Variants in SCN3A observed in about 807,000 individuals in gnomAD.
SCN3A encodes the protein sodium channel protein type 3 subunit alpha.
In SCN3A, 60 loss-of-function variants were observed where a neutral mutation model predicts 187.6. The observed-to-expected ratio is 0.32, with a 90% confidence interval of 0.26 to 0.40. The LOEUF (loss-of-function observed/expected upper bound fraction) is 0.40, where lower values mean the gene tolerates loss of function less well. Among genes scored for constraint, SCN3A ranks in the 10% least tolerant of loss-of-function variants. The probability of loss-of-function intolerance (pLI) is 1.00; values close to 1 mark genes in which losing one functional copy is unlikely to be tolerated. For missense variants in SCN3A, 1,601 were observed against 2,428.2 expected (o/e 0.66, Z 7.16); for synonymous variants, 788 against 829.2 (o/e 0.95, Z 0.85).
rs145492863 is a variant in SCN3A at position 165,095,607 on chromosome 2, A to G, written c.4335T>C (p.Tyr1445=). 70 of 1,530,542 alleles carry G rather than the reference A, an allele frequency of 4.6e-5. No homozygotes were observed. In the African/African-American group the frequency reaches 7.8e-4, roughly 17 times the overall value. The allele number at this position is 1,530,542 out of a possible 1,614,324, so 94.8% of individuals were successfully genotyped here. A position where few individuals can be genotyped will look rare whatever the true frequency, so the allele number is the denominator to read the frequency against. ...AGATGATAAAGATGACAAAGTATAA[A>G]TACATGTACAGATTTTCTTCATATA... ...QPVYEENLYM[Y]LYFVIFIIFG... Residue 1445 remains tyrosine (Y), a synonymous_variant, in exon 25 of 28, where the codon TAT becomes TAC. Coordinates refer to ENST00000283254, the MANE Select transcript of SCN3A (RefSeq NM_006922.4).
chr2:165,154,468 TGCTTTTTAA>T lies in SCN3A; in HGVS notation c.1355_1363del (p.Leu452_Lys454del). 6.2e-7 allele frequency: 1 copy of T among 1,614,168 alleles called. No homozygotes were observed. The highest frequency in any genetic ancestry group is 8.5e-7 in the Non-Finnish European group (1 of 1,180,000). On this transcript the variant is annotated inframe_deletion, in exon 11 of 28. Transcript: ENST00000283254. ...ACTCAGTACCTGAGCTTCTTCCTGT[TGCTTTTTAA>T]GCTGTTCGAGCATCTGCTGAAATTC...
rs1305685990 is a variant in SCN3A, at chr2:165,154,476, A to G, written c.1356T>C (p.Leu452=). ...EAEFQQMLEQ[L]KKQQEEAQAV... ...CCTGAGCTTCTTCCTGTTGCTTTTT[A>G]AGCTGTTCGAGCATCTGCTGAAATT... The change falls in exon 11 of 28, where the codon CTT becomes CTC. Residue 452 remains leucine (L), a synonymous_variant. Transcript: ENST00000283254. 10 of 1,614,044 alleles carry G rather than the reference A, an allele frequency of 6.2e-6. No homozygotes were observed. The highest frequency in any genetic ancestry group is 7.6e-6 in the Non-Finnish European group (9 of 1,180,004).
chr2:165,180,573 G>C (rs1229142436), intron 2 of SCN3A, among the ~76,000 whole-genome samples: 1 of 152,044 alleles, frequency 6.6e-6, no homozygotes, highest in Non-Finnish European at 1.5e-5. Context: ...ACATTGAGCA[G>C]GTGGGGTGGG....
intron 18 of SCN3A, among the ~76,000 whole-genome samples, chr2:165,126,455 CTTTT>C (rs1686994252): frequency 6.8e-6 from 1 of 147,272 alleles, no homozygotes; most frequent in African/African-American, 2.5e-5. Flanking sequence ...TTCTCTTTTT[CTTTT>C]CTTTCTCTTT....
intron 2 of SCN3A, among the ~76,000 whole-genome samples, chr2:165,183,367 G>C (rs970730739): frequency 6.6e-6 from 1 of 152,074 alleles, no homozygotes; most frequent in Non-Finnish European, 1.5e-5. Context: ...TATATGATTT[G>C]CTCTAAAAGA....
At chr2:165,139,778 A>T (rs1010448802) in intron 13 of SCN3A, 170 bp from the exon 14 acceptor site, 142 of 731,980 alleles carry the variant, frequency 1.9e-4, no homozygotes, top group Middle Eastern at 3.5e-4. Flanking sequence ...TTTAAAAAAA[A>T]GTTATCACAG....
At position 165,146,818 on chromosome 2, in the gene SCN3A, C is replaced by T; in HGVS notation, c.1592G>A (p.Ser531Asn). The change falls in exon 12 of 28, where the codon AGC (serine) becomes AAC (asparagine). Residue 531 changes from serine (S) to asparagine (N), a missense_variant. Around this residue, in one of 11 missense-constraint regions of SCN3A, gnomAD observed 376 missense variants for 476.0 expected, o/e 0.79. Coordinates refer to ENST00000283254, the MANE Select transcript of SCN3A (RefSeq NM_006922.4). Reference protein sequence around the residue: ...DSFPKSESEDSVKRSSFLFSM... With the variant: ...DSFPKSESEDNVKRSSFLFSM... ...GAAAAGGAAGCTGCTTCTTTTGACG[C>T]TGTCTTCAGATTCGGATTTGGGAAA... 2 of 1,614,094 alleles carry T rather than the reference C, an allele frequency of 1.2e-6. No individual in the cohort carries two copies. Among genetic ancestry groups the T allele is most frequent in the Non-Finnish European group, 1.7e-6 (2 of 1,179,968 alleles).
intron 19 of SCN3A, 72 bp downstream of exon 19, chr2:165,115,383 T>G: frequency 6.2e-7 from 1 of 1,601,512 alleles, no homozygotes; most frequent in South Asian, 1.1e-5. Flanking sequence ...ATTTTTTTTT[T>G]TAAATGAGGC....
chr2:165,139,589 TC>T lies in SCN3A; in HGVS notation c.2038del (p.Glu680LysfsTer7). On this transcript the variant is annotated frameshift_variant, in exon 14 of 28. Coordinates refer to ENST00000283254, the MANE Select transcript of SCN3A (RefSeq NM_006922.4). LOFTEE classifies it high-confidence loss of function. ...LPPEGTTTET[E>X]VRKRRLSSYQ... ...AGAGCTTAACCTTCTCTTTCTGACT[TC>T]CGTTTCTGTGGTGGTGCCCTGCAAA... 1 of 1,613,888 alleles carries T rather than the reference TC, an allele frequency of 6.2e-7. No individual in the cohort carries two copies. Among genetic ancestry groups the T allele is most frequent in the Non-Finnish European group, 8.5e-7 (1 of 1,179,872 alleles).
chr2:165,111,916 G>A (rs1475660830), intron 21 of SCN3A, among the ~76,000 whole-genome samples: 1 of 152,128 alleles, frequency 6.6e-6, no homozygotes, highest in Non-Finnish European at 1.5e-5. Context: ...ACACATTTTG[G>A]TTATATAATT....
rs759380205 is a variant in SCN3A at position 165,168,768 on chromosome 2, C to T, written c.441G>A (p.Leu147=). The change falls in exon 5 of 28, where the codon TTG becomes TTA. Residue 147 remains leucine (L), a synonymous_variant. Transcript: ENST00000283254. ...TILTNCVFMT[L]SNPPDWTKNV... is the part of the protein sequence containing the mutation. ...TCTTTGTCCAGTCAGGAGGGTTGCT[C>T]AAGGTCATAAATACACAGTTGGTCA... is the stretch of plus-strand genomic sequence containing the variant. 7 of 1,612,278 alleles carry T rather than the reference C, an allele frequency of 4.3e-6. No individual in the cohort carries two copies. In the South Asian group the frequency reaches 7.7e-5, roughly 18 times the overall value.
chr2:165,128,050 G>A lies in SCN3A; in HGVS notation c.2974C>T (p.Leu992Phe), dbSNP rs1338996940. 1 of 1,613,472 alleles carries A rather than the reference G, an allele frequency of 6.2e-7. No individual in the cohort carries two copies. The highest frequency in any genetic ancestry group is 2.2e-5 in the East Asian group (1 of 44,860). ...TCATTGTCATCATCAGTAGCAGCAA[G>A]GTTGTCTGAGCTAAATGAACTCAAC... Reference protein sequence around the residue: ...LLLSSFSSDNLAATDDDNEMN... With the variant: ...LLLSSFSSDNFAATDDDNEMN... Residue 992 changes from leucine (L) to phenylalanine (F), a missense_variant, in exon 18 of 28, where the codon CTT (leucine) becomes TTT (phenylalanine). Leu to Phe is a conservative substitution (Grantham distance 22, BLOSUM62 0). Coordinates refer to ENST00000283254, the MANE Select transcript of SCN3A (RefSeq NM_006922.4).
chr2:165,122,043 T>C (rs1315136868), intron 18 of SCN3A, among the ~76,000 whole-genome samples: 1 of 152,016 alleles, frequency 6.6e-6, no homozygotes, highest in Non-Finnish European at 1.5e-5. Flanking sequence ...TATAATGAAT[T>C]TTCATCCCAT....
intron 15 of SCN3A, among the ~76,000 whole-genome samples, chr2:165,133,272 C>A (rs1574175820): frequency 6.6e-6 from 1 of 152,106 alleles, no homozygotes; most frequent in African/African-American, 2.4e-5. Flanking sequence ...CCCAGCCATC[C>A]CATTACTGGG....
chr2:165,179,814 C>T (rs753975911), intron 2 of SCN3A: 7 of 152,122 alleles, frequency 4.6e-5, no homozygotes, highest in Non-Finnish European at 7.4e-5. Context: ...ATAGTTCTTT[C>T]GCAGTTCTCT....
chr2:165,176,029 T>C (rs762768855), intron 3 of SCN3A, 102 bp downstream of exon 3: 98 of 1,078,264 alleles, frequency 9.1e-5, no homozygotes, highest in Non-Finnish European at 1.3e-4. Flanking sequence ...ATAAAATCTT[T>C]AACAGAAGAA....
chr2:165,133,861 T>C (rs1184084886), intron 15 of SCN3A, among the ~76,000 whole-genome samples: 5 of 152,164 alleles, frequency 3.3e-5, no homozygotes, highest in South Asian at 4.1e-4. Context: ...TTCTGGGTAG[T>C]ATCGCATCAG....
At chr2:165,108,453 T>C (rs1363333504) in intron 21 of SCN3A, among the ~76,000 whole-genome samples, 2 of 152,148 alleles carry the variant, frequency 1.3e-5, no homozygotes, top group African/African-American at 4.8e-5. Flanking sequence ...AGCCATAATA[T>C]CAAGCATCTC....
At chr2:165,098,674 A>G (rs1182940476) in intron 22 of SCN3A, among the ~76,000 whole-genome samples, 4 of 152,222 alleles carry the variant, frequency 2.6e-5, no homozygotes, top group Admixed American at 1.3e-4. Context: ...CAACAATAAC[A>G]AAATAAGGCG....
Sources: allele counts gnomAD v4.1 joint callset (sites outside exome capture counted in the v4.1 genomes callset), GRCh38; gene constraint gnomAD v4.1.1; regional missense constraint gnomAD v4.1.1; transcripts MANE v1.5; gene names NCBI Gene and HGNC (gene_info 2026-07-23, HGNC 2026-07-21).